Variants in MSH3 observed in about 807,000 individuals in gnomAD.
MSH3 encodes the protein DNA mismatch repair protein Msh3.
Under a neutral mutation model 123.3 loss-of-function variants are expected in MSH3, and 106 were observed. The observed-to-expected ratio is 0.86, with a 90% CI of 0.73 to 1.01. The LOEUF is 1.01. Among genes scored for constraint, MSH3 ranks in the 50% least tolerant of loss-of-function variants. The pLI, the probability that MSH3 is intolerant of heterozygous loss-of-function variation, is 0.00. For missense variants in MSH3, 1,459 were observed against 1,347.6 expected, an observed-to-expected ratio of 1.08 and a Z score of -1.29; for synonymous variants, 515 against 481.4, an observed-to-expected ratio of 1.07 and a Z score of -0.91.
chr5:80,682,531 A>C (rs1749995970), intron 8 of MSH3, among the ~76,000 whole-genome samples: 1 of 152,160 alleles, frequency 6.6e-6, no homozygotes, highest in African/African-American at 2.4e-5. Flanking sequence ...CAGCCTGACC[A>C]ACATGGTGAA....
intron 22 of MSH3, among the ~76,000 whole-genome samples, chr5:80,870,675 C>G (rs543472922): frequency 6.6e-6 from 1 of 152,126 alleles, no homozygotes; most frequent in Non-Finnish European, 1.5e-5. Flanking sequence ...ACTTCAGCAC[C>G]CACCCTTGGA....
rs900808060 is a variant in MSH3, at chr5:80,822,285, G to A, written c.2813+8544G>A. Among the ~76,000 whole-genome samples the A allele has an allele frequency of 2.0e-5, 3 of 152,156 alleles. No homozygotes were observed. The East Asian group carries it at 5.8e-4, about 29-fold the overall frequency. On this transcript the variant is annotated intron_variant, in intron 20 of 23. Transcript: ENST00000265081. The stretch of plus-strand genomic sequence containing the variant: ...CTTGCTTTTCCCTTTTAACAACTAT[G>A]TGACCTTTTTCAAATTACTACTTCT...
chr5:80,694,696 A>G (rs1409705906), intron 8 of MSH3, among the ~76,000 whole-genome samples: 1 of 151,922 alleles, frequency 6.6e-6, no homozygotes, highest in African/African-American at 2.4e-5. Flanking sequence ...TCATCTGAGA[A>G]TGCCTTGATT....
At chr5:80,829,852 A>G (rs891261660) in intron 20 of MSH3, among the ~76,000 whole-genome samples, 13 of 152,172 alleles carry the variant, frequency 8.5e-5, no homozygotes, top group African/African-American at 3.1e-4. Context: ...CAGTGAAGCC[A>G]TTTGTGCCTG....
At chr5:80,698,495 T>C (rs1750534140) in intron 8 of MSH3, among the ~76,000 whole-genome samples, 1 of 152,108 alleles carries the variant, frequency 6.6e-6, no homozygotes, top group Non-Finnish European at 1.5e-5. Context: ...GCTAGTTTGC[T>C]AGAGGGGTGT....
chr5:80,746,465 T>C (rs1419284801), intron 12 of MSH3: 6 of 499,636 alleles, frequency 1.2e-5, no homozygotes, highest in Non-Finnish European at 2.0e-5. Flanking sequence ...TTGGCAACAG[T>C]CTTGTGTGTA....
intron 8 of MSH3, among the ~76,000 whole-genome samples, chr5:80,693,451 A>G (rs1162373559): frequency 2.2e-5 from 3 of 134,050 alleles, no homozygotes; most frequent in East Asian, 4.1e-4. Flanking sequence ...GTTTATATAG[A>G]TAAATATACA....
At chr5:80,860,221 T>G (rs1745992547) in intron 21 of MSH3, among the ~76,000 whole-genome samples, 1 of 152,184 alleles carries the variant, frequency 6.6e-6, no homozygotes, top group South Asian at 2.1e-4. Context: ...GTTTTTCGCC[T>G]TCACTGGTTC....
intron 8 of MSH3, among the ~76,000 whole-genome samples, chr5:80,720,251 A>G: frequency 6.6e-6 from 1 of 152,080 alleles, no homozygotes; most frequent in East Asian, 1.9e-4. Flanking sequence ...GATGGTCATT[A>G]TGGGTTGATT....
At chr5:80,797,585 G>A (rs562572752) in intron 19 of MSH3, among the ~76,000 whole-genome samples, 2 of 152,264 alleles carry the variant, frequency 1.3e-5, no homozygotes, top group South Asian at 4.1e-4. Context: ...AGTAAACTAT[G>A]GTTCAGAAAG....
chr5:80,736,775 A>G (rs757769582), intron 10 of MSH3, among the ~76,000 whole-genome samples: 1 of 152,184 alleles, frequency 6.6e-6, no homozygotes, highest in Non-Finnish European at 1.5e-5. Flanking sequence ...AGCATTTCAC[A>G]CGTGTTGTTA....
At chr5:80,801,671 A>G (rs1231847245) in intron 19 of MSH3, among the ~76,000 whole-genome samples, 1 of 152,170 alleles carries the variant, frequency 6.6e-6, no homozygotes, top group East Asian at 1.9e-4. Flanking sequence ...GAATTCCACA[A>G]CTTCTCATCT....
chr5:80,872,323 T>A (rs1478566189), intron 22 of MSH3, among the ~76,000 whole-genome samples: 1 of 151,658 alleles, frequency 6.6e-6, no homozygotes, highest in African/African-American at 2.4e-5. Context: ...AAAAATTAGC[T>A]AGGTGTGGTA....
intron 12 of MSH3, among the ~76,000 whole-genome samples, chr5:80,750,078 A>T (rs1255453637): frequency 3.9e-4 from 52 of 134,258 alleles, no homozygotes; most frequent in Middle Eastern, 3.7e-3. Context: ...AGTATTCCAG[A>T]GTGTGTGTGT....
chr5:80,823,351 T>C (rs1745234244), intron 20 of MSH3, among the ~76,000 whole-genome samples: 1 of 152,244 alleles, frequency 6.6e-6, no homozygotes, highest in South Asian at 2.1e-4. Flanking sequence ...ACATGGTCAC[T>C]GTCTGACAAC....
At chr5:80,856,009 C>T (rs1057056228) in intron 21 of MSH3, among the ~76,000 whole-genome samples, 26 of 151,872 alleles carry the variant, frequency 1.7e-4, no homozygotes, top group African/African-American at 4.1e-4. Context: ...TTCGGCCTCC[C>T]GAGTAGCTGG....
chr5:80,679,946 A>G (rs566798349), intron 8 of MSH3, among the ~76,000 whole-genome samples: 1 of 152,302 alleles, frequency 6.6e-6, no homozygotes, highest in African/African-American at 2.4e-5. Context: ...GAGGATTTTC[A>G]TGTAGTAGGT....
intron 20 of MSH3, among the ~76,000 whole-genome samples, chr5:80,832,538 G>C (rs546761645): frequency 6.6e-6 from 1 of 151,912 alleles, no homozygotes; most frequent in African/African-American, 2.4e-5. Flanking sequence ...AGAATCTCTT[G>C]AACCTGGGAG....
chr5:80,779,043 G>A (rs1457501759), intron 17 of MSH3, among the ~76,000 whole-genome samples: 10 of 148,544 alleles, frequency 6.7e-5, no homozygotes. Context: ...CGAGGCTGGA[G>A]TGCAGTGGCA....
Sources: gnomAD v4.1 joint callset for allele counts (sites outside exome capture counted in the v4.1 genomes callset) on GRCh38, gnomAD v4.1.1 for gene constraint, MANE v1.5 for transcripts, NCBI Gene and HGNC (gene_info 2026-07-23, HGNC 2026-07-21) for gene names.